The following ALK variants were observed in gnomAD, a reference collection of about 807,000 sequenced individuals.
The protein encoded by ALK is ALK tyrosine kinase receptor.
ALK carries 74 observed loss-of-function variants against 163.1 expected under a neutral mutation model. The observed-to-expected ratio is 0.45, with a 90% CI of 0.38 to 0.55. The LOEUF (loss-of-function observed/expected upper bound fraction) is 0.55, where lower values mean the gene tolerates loss of function less well. Among genes scored for constraint, ALK ranks in the 20% least tolerant of loss-of-function variants. ALK has a pLI of 0.00. For synonymous variants in ALK, 960 were observed against 843.2 expected (o/e 1.14, Z -2.40); for missense variants, 2,063 against 2,105.3 (o/e 0.98, Z 0.39).
At chr2:29,710,275 C>T (rs903055581) in intron 2 of ALK, among the ~76,000 whole-genome samples, 1 of 152,114 alleles carries the variant, frequency 6.6e-6, no homozygotes, top group Non-Finnish European at 1.5e-5. Context: ...GTCAATTGAA[C>T]CTCTTTCCTT....
intron 1 of ALK, among the ~76,000 whole-genome samples, chr2:29,749,662 G>A (rs962091882): frequency 6.6e-6 from 1 of 152,140 alleles, no homozygotes; most frequent in Admixed American, 6.5e-5. Context: ...CCAAAGCAAA[G>A]GAGGTCATGG....
intron 1 of ALK, among the ~76,000 whole-genome samples, chr2:29,828,708 C>T (rs565352224): frequency 6.6e-6 from 1 of 152,252 alleles, no homozygotes; most frequent in Non-Finnish European, 1.5e-5. Context: ...CACTTTTACA[C>T]TGTTGGTGGG....
At chr2:29,200,753 G>GTATATATGTA (rs1669143455) in intron 26 of ALK, among the ~76,000 whole-genome samples, 2 of 71,748 alleles carry the variant, frequency 2.8e-5, no homozygotes, top group African/African-American at 1.5e-4. Context: ...ATATATATAC[G>GTATATATGTA]TATATATGTA....
At chr2:29,303,257 C>T (rs1247803301) in intron 8 of ALK, among the ~76,000 whole-genome samples, 1 of 152,156 alleles carries the variant, frequency 6.6e-6, no homozygotes, top group Non-Finnish European at 1.5e-5. Context: ...AGAAGACATA[C>T]AACCAGCCAA....
chr2:29,749,129 C>T (rs1680284382), intron 1 of ALK, among the ~76,000 whole-genome samples: 1 of 152,142 alleles, frequency 6.6e-6, no homozygotes, highest in Admixed American at 6.5e-5. Flanking sequence ...CTGTCAAACT[C>T]CAAGGCACAT....
chr2:29,687,737 C>A (rs72784194), intron 3 of ALK, among the ~76,000 whole-genome samples: 1,873 of 152,126 alleles, frequency 0.012, 20 homozygotes, highest in Non-Finnish European at 0.018. Flanking sequence ...CTTTTACAAA[C>A]AATTTCTACT....
intron 1 of ALK, among the ~76,000 whole-genome samples, chr2:29,868,969 G>T (rs1210128408): frequency 6.6e-6 from 1 of 152,168 alleles, no homozygotes; most frequent in East Asian, 1.9e-4. Flanking sequence ...ACCTCATACA[G>T]GTATTCTGGC....
rs763403897 is a variant in ALK, at chr2:29,193,455, G to A, written c.4632C>T (p.Asn1544=). Residue 1544 remains asparagine, a synonymous_variant, in exon 29 of 29, where the codon AAC becomes AAT. Coordinates refer to ENST00000389048, the MANE Select transcript of ALK (RefSeq NM_004304.5). ...CCCCCGGAAGTCTCCCAGTTGCAAC[G>A]TTAGGTGGGACAGTACAGCTTCCCT... is the stretch of plus-strand genomic sequence containing the variant. ...GLEGSCTVPP[N]VATGRLPGAS... is the part of the protein sequence containing the mutation. 6.2e-7 allele frequency: 1 copy of A among 1,614,198 alleles called. No individual in the cohort carries two copies. The highest frequency in any genetic ancestry group is 8.5e-7 in the Non-Finnish European group (1 of 1,180,028).
intron 1 of ALK, among the ~76,000 whole-genome samples, chr2:29,913,242 G>A (rs1667752585): frequency 6.6e-6 from 1 of 152,156 alleles, no homozygotes; most frequent in Admixed American, 6.5e-5. Flanking sequence ...AAGCGAATCT[G>A]ATAGAATTTC....
chr2:29,357,534 C>A (rs542580008), intron 5 of ALK, among the ~76,000 whole-genome samples: 4 of 152,222 alleles, frequency 2.6e-5, no homozygotes, highest in African/African-American at 9.6e-5. Flanking sequence ...ACTTTCACGG[C>A]AGATGCCTTT....
At chr2:29,732,778 C>T (rs932750302) in intron 1 of ALK, among the ~76,000 whole-genome samples, 1 of 152,104 alleles carries the variant, frequency 6.6e-6, no homozygotes, top group Admixed American at 6.5e-5. Flanking sequence ...AGGCACTGCT[C>T]GTGAATCAGG....
intron 12 of ALK, among the ~76,000 whole-genome samples, chr2:29,248,452 G>A (rs1664740884): frequency 6.6e-6 from 1 of 152,186 alleles, no homozygotes; most frequent in African/African-American, 2.4e-5. Context: ...AACAGAGCGC[G>A]ACTCTGTCTC....
At chr2:29,380,197 C>T (rs534064096) in intron 5 of ALK, among the ~76,000 whole-genome samples, 89 of 151,754 alleles carry the variant, frequency 5.9e-4, no homozygotes, top group Non-Finnish European at 1.2e-3. Context: ...CCTCTGCCTC[C>T]TGGGTTCAAG....
chr2:29,835,463 G>C (rs543743504), intron 1 of ALK, among the ~76,000 whole-genome samples: 14 of 152,264 alleles, frequency 9.2e-5, no homozygotes, highest in Non-Finnish European at 1.8e-4. Context: ...GTTATGGAGT[G>C]TTTTCTTTCT....
At chr2:29,255,708 C>T (rs1201766521) in intron 11 of ALK, among the ~76,000 whole-genome samples, 1 of 152,062 alleles carries the variant, frequency 6.6e-6, no homozygotes, top group African/African-American at 2.4e-5. Context: ...TACATAAGTC[C>T]CGGACCCACC....
At chr2:29,683,492 T>C (rs1415287880) in intron 3 of ALK, among the ~76,000 whole-genome samples, 1 of 152,192 alleles carries the variant, frequency 6.6e-6, no homozygotes, top group Non-Finnish European at 1.5e-5. Context: ...ATGCATTAGA[T>C]AAGAATAACC....
chr2:29,787,151 T>G (rs555389930), intron 1 of ALK, among the ~76,000 whole-genome samples: 133 of 152,268 alleles, frequency 8.7e-4, no homozygotes, highest in Admixed American at 2.6e-3. Flanking sequence ...AGAAGCCTCT[T>G]GAAGTCCAAT....
intron 12 of ALK, 32 bp from the exon 13 acceptor site, chr2:29,239,862 T>G: frequency 6.2e-7 from 1 of 1,607,596 alleles, no homozygotes; most frequent in African/African-American, 1.3e-5. Context: ...TGGCTCCCGC[T>G]GTGGTATGAA....
chr2:29,369,334 G>GTGTGTGTGTGTGTA (rs369794496), intron 5 of ALK, among the ~76,000 whole-genome samples: 1 of 151,832 alleles, frequency 6.6e-6, no homozygotes, highest in Non-Finnish European at 1.5e-5. Context: ...GTGTGTGTGT[G>GTGTGTGTGTGTGTA]TTGGTCTCCT....
Sources: allele counts gnomAD v4.1 joint callset (sites outside exome capture counted in the v4.1 genomes callset), GRCh38; gene constraint gnomAD v4.1.1; transcripts MANE v1.5; gene names NCBI Gene and HGNC (gene_info 2026-07-23, HGNC 2026-07-21).